Variants in C5orf34 observed in about 807,000 individuals in gnomAD.
C5orf34 encodes the protein chromosome 5 open reading frame 34.
A neutral mutation model predicts 78.4 loss-of-function variants in C5orf34; 73 were observed. The ratio of observed to expected loss-of-function variants is 0.93; its 90% CI spans 0.77 to 1.13. The LOEUF is 1.13. Ranked by LOEUF, C5orf34 falls within the 50% of genes most tolerant of loss-of-function variation. The pLI is 0.00. For missense variants in C5orf34, 730 were observed against 732.7 expected (o/e 1.00, Z 0.04); for synonymous variants, 251 against 246.6 (o/e 1.02, Z -0.17).
At chr5:43,494,637 A>T in intron 6 of C5orf34, 36 bp from the exon 7 acceptor site, 2 of 1,396,834 alleles carry the variant, frequency 1.4e-6, no homozygotes, top group Non-Finnish European at 2.0e-6. Context: ...TTCATTAATA[A>T]TAAATTTTGG....
chr5:43,511,739 G>A (rs1238621202), intron 1 of C5orf34, among the ~76,000 whole-genome samples: 1 of 152,162 alleles, frequency 6.6e-6, no homozygotes, highest in Non-Finnish European at 1.5e-5. Flanking sequence ...CCCCAACCCT[G>A]TGCTCTCTGA....
In C5orf34 at chr5:43,506,183, T is replaced by C. The variant is rs1745977279; in HGVS notation, c.497A>G (p.Asn166Ser). The C allele has an allele frequency of 6.2e-7, 1 of 1,614,212 alleles. No individual in the cohort carries two copies. The highest frequency in any genetic ancestry group is 8.5e-7 in the Non-Finnish European group (1 of 1,180,038). Reference sequence around the variant, plus strand: ...AACTAGTTTATCTTTTGGGGCTTTATTATTTGTTTCTGACAACACTGCAGA... The same window carrying C: ...AACTAGTTTATCTTTTGGGGCTTTACTATTTGTTTCTGACAACACTGCAGA... ...DSSAVLSETNNKAPKDKLVEK... is the reference protein window; with the variant it reads ...DSSAVLSETNSKAPKDKLVEK... Residue 166 changes from asparagine to serine, a missense_variant, in exon 4 of 13, where the codon AAT becomes AGT. Coordinates refer to ENST00000306862, the MANE Select transcript of C5orf34 (RefSeq NM_198566.4).
At chr5:43,514,624 C>T (rs552784522) in intron 1 of C5orf34, among the ~76,000 whole-genome samples, 182 bp downstream of exon 1, 314 of 152,292 alleles carry the variant, frequency 2.1e-3, no homozygotes, top group African/African-American at 7.1e-3. Context: ...ATTCTCATCT[C>T]TACAGTCTCA....
chr5:43,491,415 A>C (rs1306491565), intron 10 of C5orf34, among the ~76,000 whole-genome samples: 1 of 152,246 alleles, frequency 6.6e-6, no homozygotes, highest in Non-Finnish European at 1.5e-5. Context: ...TGAAATCACT[A>C]AAATGTGAAG....
Position 43,509,173 on chromosome 5 carries a change from CT to C in C5orf34, c.166del (p.Arg56GlyfsTer17), listed in dbSNP as rs745480882. 2 of 1,613,342 alleles carry C rather than the reference CT, an allele frequency of 1.2e-6. No individual in the cohort carries two copies. Among genetic ancestry groups the C allele is most frequent in the Admixed American group, 3.3e-5 (2 of 59,794 alleles). On this transcript the variant is annotated frameshift_variant, in exon 2 of 13. Transcript: ENST00000306862. LOFTEE classifies it high-confidence loss of function. ...GTAAGTGCTAATGACAAAATGTGTC[CT>C]TTGACGAATTCTTTCTGGTTGTTCT... ...PLEQPERIRQ[R>X]THFVISTYRE...
At chr5:43,495,062 A>C in intron 6 of C5orf34, 1 of 1,466,660 alleles carries the variant, frequency 6.8e-7, no homozygotes, top group Non-Finnish European at 9.5e-7. Context: ...GGCAGGTATT[A>C]GGGATAATAT....
intron 6 of C5orf34, chr5:43,496,581 AATTTTTTTTTTTTT>A (rs1745538346): frequency 1.6e-6 from 1 of 608,820 alleles, no homozygotes. Flanking sequence ...AGTTTTTTTT[AATTTTTTTTTTTTT>A]TTTTTTTTTT....
chr5:43,505,690 CCAGGTTAAGA>C (rs1441534097), intron 4 of C5orf34, 48 bp downstream of exon 4: 1 of 1,435,154 alleles, frequency 7.0e-7, no homozygotes, highest in Non-Finnish European at 9.2e-7. Context: ...AGAAAATTAT[CCAGGTTAAGA>C]CTGGTTCTGA....
chr5:43,499,975 C>CT (rs1745691860), intron 6 of C5orf34, among the ~76,000 whole-genome samples: 1 of 152,192 alleles, frequency 6.6e-6, no homozygotes, highest in African/African-American at 2.4e-5. Flanking sequence ...AAATATTTCT[C>CT]TAGGCTAGAT....
intron 5 of C5orf34, among the ~76,000 whole-genome samples, chr5:43,503,369 A>G (rs867836014): frequency 3.3e-5 from 5 of 152,368 alleles, no homozygotes; most frequent in Middle Eastern, 3.4e-3. Context: ...TGGAAGGAGT[A>G]TCCTAAATAA....
At chr5:43,512,022 CAACTA>C (rs1746281935) in intron 1 of C5orf34, among the ~76,000 whole-genome samples, 1 of 75,600 alleles carries the variant, frequency 1.3e-5, no homozygotes, top group South Asian at 6.0e-4. Flanking sequence ...CAAGAATGAT[CAACTA>C]AAAAAAAAAA....
chr5:43,504,441 G>C (rs1579873694), intron 4 of C5orf34, among the ~76,000 whole-genome samples: 1 of 152,160 alleles, frequency 6.6e-6, no homozygotes, highest in South Asian at 2.1e-4. Flanking sequence ...GTGTAAAGAA[G>C]AGGCAAGTAC....
chr5:43,503,786 T>C, intron 4 of C5orf34, 26 bp from the exon 5 acceptor site: 2 of 1,437,112 alleles, frequency 1.4e-6, no homozygotes, highest in South Asian at 1.1e-5. Flanking sequence ...TACAAGCTAT[T>C]ACTTCTGGTT....
chr5:43,507,860 C>T (rs1386073089), intron 3 of C5orf34, among the ~76,000 whole-genome samples: 1 of 151,980 alleles, frequency 6.6e-6, no homozygotes, highest in South Asian at 2.1e-4. Flanking sequence ...GGGCGGATCA[C>T]GAGGTCAGGA....
chr5:43,499,932 C>T (rs185064465), intron 6 of C5orf34, among the ~76,000 whole-genome samples: 22 of 152,288 alleles, frequency 1.4e-4, no homozygotes, highest in Non-Finnish European at 2.6e-4. Context: ...TGCCACAAAA[C>T]ACACCCTTGG....
At chr5:43,491,560 G>GTTAT (rs1745280614) in intron 10 of C5orf34, among the ~76,000 whole-genome samples, 2 of 130,390 alleles carry the variant, frequency 1.5e-5, no homozygotes, top group South Asian at 4.6e-4. Context: ...CAGAATTTCA[G>GTTAT]TTATTTGTGG....
At chr5:43,500,207 G>A (rs1745700234) in intron 6 of C5orf34, among the ~76,000 whole-genome samples, 1 of 152,132 alleles carries the variant, frequency 6.6e-6, no homozygotes, top group Non-Finnish European at 1.5e-5. Flanking sequence ...AAGTAGTAAA[G>A]TTGAATATGT....
chr5:43,487,192 A>G (rs1420787101), intron 12 of C5orf34, 81 bp from the exon 13 acceptor site: 1 of 649,088 alleles, frequency 1.5e-6, no homozygotes, highest in Non-Finnish European at 2.4e-6. Flanking sequence ...TAGGCTTCAT[A>G]TTAAAATATT....
chr5:43,506,360 G>A lies in C5orf34; in HGVS notation c.320C>T (p.Pro107Leu). 2 of 1,610,730 alleles carry A rather than the reference G, an allele frequency of 1.2e-6. No homozygotes were observed. Reference protein sequence around the residue: ...IFIDITEVRWPSLDTDGTMIY... With the variant: ...IFIDITEVRWLSLDTDGTMIY... ...CATGGTACCATCTGTATCAAGACTGGGCCATCTCACTTCTGTTATGTCAAT... is the reference window on the plus strand; with the variant it reads ...CATGGTACCATCTGTATCAAGACTGAGCCATCTCACTTCTGTTATGTCAAT... Residue 107 changes from proline to leucine, a missense_variant, in exon 4 of 13, where the codon CCC becomes CTC. By Grantham distance (98) the Pro-to-Leu change is moderately conservative (BLOSUM62 -3). Transcript: ENST00000306862.
Sources: gnomAD v4.1 joint callset for allele counts (sites outside exome capture counted in the v4.1 genomes callset) on GRCh38, gnomAD v4.1.1 for gene constraint, MANE v1.5 for transcripts, NCBI Gene and HGNC (gene_info 2026-07-23, HGNC 2026-07-21) for gene names.